Variants in TMEM231 observed in about 807,000 individuals in gnomAD.
The protein encoded by TMEM231 is transmembrane protein 231.
In TMEM231, 40 loss-of-function variants were observed where a neutral mutation model predicts 38.5. The ratio of observed to expected loss-of-function variants is 1.04; its 90% CI spans 0.81 to 1.35. The LOEUF (loss-of-function observed/expected upper bound fraction) is 1.35. Ranked by LOEUF, TMEM231 falls within the 40% of genes most tolerant of loss-of-function variation. The probability of loss-of-function intolerance (pLI) is 0.00; values close to 1 mark genes in which losing one functional copy is unlikely to be tolerated. For missense variants in TMEM231, 420 were observed against 416.9 expected, an observed-to-expected ratio of 1.01 and a Z score of -0.07; for synonymous variants, 199 against 181.7, an observed-to-expected ratio of 1.10 and a Z score of -0.77.
At chr16:75,548,280 A>G (rs2080717032) in intron 2 of TMEM231, among the ~76,000 whole-genome samples, 1 of 152,234 alleles carries the variant, frequency 6.6e-6, no homozygotes, top group Admixed American at 6.5e-5. Context: ...AGCACCAGGC[A>G]TCTACGTCTG....
Position 75,538,184 on chromosome 16 carries a change from G to C in TMEM231, c.*1810C>G, listed in dbSNP as rs1286204609. The C allele has an allele frequency of 1.3e-5, 2 of 151,914 alleles. No homozygotes were observed. The highest frequency in any genetic ancestry group is 2.9e-5 in the Non-Finnish European group (2 of 67,986). 9.4% of individuals were successfully genotyped at this position (151,914 alleles called of 1,614,324 possible). On this transcript the variant is annotated 3_prime_UTR_variant, in exon 7 of 7. Coordinates refer to ENST00000258173, the MANE Select transcript of TMEM231 (RefSeq NM_001077418.3). ...AGATAGGGTCTCACTCTGTCACCCA[G>C]GCTACAGTACAGTGGTGCAATCATA...
At chr16:75,549,806 T>G (rs1430140911) in intron 2 of TMEM231, among the ~76,000 whole-genome samples, 1 of 152,142 alleles carries the variant, frequency 6.6e-6, no homozygotes, top group East Asian at 1.9e-4. Context: ...CCTCCCAGGT[T>G]CGAGTGATTC....
intron 2 of TMEM231, among the ~76,000 whole-genome samples, chr16:75,547,864 G>A (rs1190972306): frequency 6.6e-6 from 1 of 152,132 alleles, no homozygotes; most frequent in Non-Finnish European, 1.5e-5. Flanking sequence ...AAAATCTTAT[G>A]TAACTCTCTG....
chr16:75,554,990 A>C (rs925884051), intron 2 of TMEM231: 1 of 152,170 alleles, frequency 6.6e-6, no homozygotes, highest in African/African-American at 2.4e-5. Context: ...TCAGCTATAC[A>C]AGGTTGGCTT....
intron 2 of TMEM231, among the ~76,000 whole-genome samples, chr16:75,547,078 A>G (rs2080701614): frequency 6.6e-6 from 1 of 152,238 alleles, no homozygotes; most frequent in Admixed American, 6.5e-5. Context: ...AATGATGATC[A>G]GGAAAGCACG....
intron 2 of TMEM231, chr16:75,555,428 G>T (rs541607977): frequency 8.8e-6 from 2 of 228,090 alleles, no homozygotes; most frequent in East Asian, 1.7e-4. Flanking sequence ...ACAGAATGGG[G>T]TTATCTACAT....
At chr16:75,553,510 T>C (rs762761622) in intron 2 of TMEM231, among the ~76,000 whole-genome samples, 15 of 150,960 alleles carry the variant, frequency 9.9e-5, no homozygotes, top group Non-Finnish European at 2.1e-4. Context: ...CAGTCCCAGC[T>C]ACTTGGAAGG....
In TMEM231 at chr16:75,537,397, A is replaced by C. The variant is rs986676391; in HGVS notation, c.*2597T>G. 3 of 152,106 alleles carry C rather than the reference A, an allele frequency of 2.0e-5. No individual in the cohort carries two copies. Among genetic ancestry groups the C allele is most frequent in the African/African-American group, 7.2e-5 (3 of 41,444 alleles). The allele number at this position is 152,106 out of a possible 1,614,324, so 9.4% of individuals were successfully genotyped here. On this transcript the variant is annotated 3_prime_UTR_variant, in exon 7 of 7. Coordinates refer to ENST00000258173, the MANE Select transcript of TMEM231 (RefSeq NM_001077418.3). ...ACTGTACTAATCATTTGGCAAAATC[A>C]GGAGTCTTTCTGCCTCCAAATATTC...
intron 2 of TMEM231, among the ~76,000 whole-genome samples, chr16:75,553,006 C>G (rs2080778551): frequency 6.6e-6 from 1 of 152,172 alleles, no homozygotes; most frequent in African/African-American, 2.4e-5. Context: ...TTAAAAACAA[C>G]AAAAACTAGA....
chr16:75,553,282 G>C (rs1343973744), intron 2 of TMEM231, among the ~76,000 whole-genome samples: 1 of 152,152 alleles, frequency 6.6e-6, no homozygotes, highest in South Asian at 2.1e-4. Context: ...AAGATTTTAA[G>C]ATATAGCATA....
At chr16:75,543,533 C>T (rs1234877973) in intron 4 of TMEM231, among the ~76,000 whole-genome samples, 2 of 152,036 alleles carry the variant, frequency 1.3e-5, no homozygotes, top group African/African-American at 4.8e-5. Flanking sequence ...TCATGCCACT[C>T]CACTGTAGCC....
chr16:75,547,116 T>C (rs1051741597), intron 2 of TMEM231, among the ~76,000 whole-genome samples: 3 of 152,214 alleles, frequency 2.0e-5, no homozygotes, highest in Non-Finnish European at 4.4e-5. Context: ...ACTGCTGACA[T>C]GGTCCCTCTG....
intron 4 of TMEM231, among the ~76,000 whole-genome samples, chr16:75,543,375 TG>T (rs1161648464): frequency 6.6e-6 from 1 of 152,196 alleles, no homozygotes; most frequent in Non-Finnish European, 1.5e-5. Flanking sequence ...GAGACCAGTC[TG>T]GCCAACATGG....
At chr16:75,548,163 T>G (rs2080716113) in intron 2 of TMEM231, among the ~76,000 whole-genome samples, 1 of 152,162 alleles carries the variant, frequency 6.6e-6, no homozygotes. Flanking sequence ...GGATTTGAGA[T>G]CAGGTGACTT....
At chr16:75,555,502 C>G in intron 2 of TMEM231, 1 of 377,692 alleles carries the variant, frequency 2.6e-6, no homozygotes, top group Non-Finnish European at 4.7e-6. Context: ...TCAGGCCAGG[C>G]CCGCGGGTGT....
chr16:75,549,536 G>T lies in TMEM231; in HGVS notation c.310-3582C>A, dbSNP rs530899078. ...GGTTATGAAACCCAGTGACAGAATT[G>T]GGACTAGGACCTTGTGGGACAAGGA... On this transcript the variant is annotated intron_variant, in intron 2 of 6. Transcript: ENST00000258173. 1.1e-4 allele frequency among the ~76,000 whole-genome samples: 16 copies of T among 152,258 alleles called. No homozygotes were observed. In the South Asian group the frequency reaches 2.7e-3, roughly 26 times the overall value.
At chr16:75,547,232 G>T (rs1377433461) in intron 2 of TMEM231, among the ~76,000 whole-genome samples, 3 of 152,156 alleles carry the variant, frequency 2.0e-5, no homozygotes, top group African/African-American at 7.2e-5. Flanking sequence ...ACCATCTATG[G>T]ATTCATTTTG....
At chr16:75,555,292 T>G (rs1180486390) in intron 2 of TMEM231, 1 of 154,272 alleles carries the variant, frequency 6.5e-6, no homozygotes, top group African/African-American at 2.4e-5. Context: ...CAGGGAGGCG[T>G]GACTCGGCCA....
chr16:75,543,742 G>A (rs550153207), intron 4 of TMEM231, among the ~76,000 whole-genome samples: 1 of 152,088 alleles, frequency 6.6e-6, no homozygotes, highest in Non-Finnish European at 1.5e-5. Context: ...TCCCTTAAAG[G>A]AGGAAATAAT....
Sources: gnomAD v4.1 joint callset for allele counts (sites outside exome capture counted in the v4.1 genomes callset) on GRCh38, gnomAD v4.1.1 for gene constraint, MANE v1.5 for transcripts, NCBI Gene and HGNC (gene_info 2026-07-23, HGNC 2026-07-21) for gene names.